The following CAPZA1 variants were observed in gnomAD, a reference collection of about 807,000 sequenced individuals.
The protein encoded by CAPZA1 is F-actin-capping protein subunit alpha-1.
CAPZA1 carries 10 observed loss-of-function variants against 40.8 expected under a neutral mutation model. The observed-to-expected ratio is 0.25, with a 90% CI of 0.15 to 0.42. The LOEUF (loss-of-function observed/expected upper bound fraction) is 0.42. CAPZA1 is among the 10% of genes least tolerant of loss of function. The pLI is 1.00. For synonymous variants in CAPZA1, 98 were observed against 115.0 expected (o/e 0.85, Z 0.95); for missense variants, 277 against 353.8 (o/e 0.78, Z 1.74).
At chr1:112,639,472 C>G (rs1671090107) in intron 1 of CAPZA1, among the ~76,000 whole-genome samples, 1 of 152,120 alleles carries the variant, frequency 6.6e-6, no homozygotes, top group Non-Finnish European at 1.5e-5. Flanking sequence ...TTACCTTTTT[C>G]TTTCATATAA....
chr1:112,631,756 C>A (rs1320695790), intron 1 of CAPZA1, among the ~76,000 whole-genome samples: 1 of 152,132 alleles, frequency 6.6e-6, no homozygotes, highest in Non-Finnish European at 1.5e-5. Context: ...TCTTGGGCAA[C>A]CTCCGGACCA....
intron 1 of CAPZA1, 108 bp from the exon 2 acceptor site, chr1:112,647,102 A>C (rs1113376): frequency 3.7e-6 from 2 of 537,204 alleles, no homozygotes. Flanking sequence ...GTTTAAACAG[A>C]ACATTTTTTT....
intron 7 of CAPZA1, among the ~76,000 whole-genome samples, chr1:112,664,673 T>C (rs1249043422): frequency 2.6e-5 from 4 of 152,132 alleles, no homozygotes; most frequent in African/African-American, 9.6e-5. Context: ...CAGTGGCTCA[T>C]GACTGTAATC....
At chr1:112,665,778 G>A (rs545881820) in intron 7 of CAPZA1, among the ~76,000 whole-genome samples, 1 of 152,158 alleles carries the variant, frequency 6.6e-6, no homozygotes, top group East Asian at 1.9e-4. Flanking sequence ...ACCTCCCAAA[G>A]GCCCCTCCTC....
chr1:112,659,261 A>T, intron 6 of CAPZA1, 160 bp downstream of exon 6: 1 of 599,960 alleles, frequency 1.7e-6, no homozygotes, highest in Non-Finnish European at 3.0e-6. Context: ...AAGGTTTTAT[A>T]ATTATATTTT....
Position 112,653,572 on chromosome 1 carries a change from TTTA to T in CAPZA1, c.156-25_156-23del, listed in dbSNP as rs753363984. On this transcript the variant is annotated intron_variant, in intron 3 of 9. Transcript: ENST00000263168. ...CTCTCTCCCTCTTTTTTTTTTTTTT[TTTA>T]AAAAACTTTTAAAAAAAAACAGTGC... 8.4e-4 allele frequency: 1,183 copies of T among 1,413,918 alleles called. 5 individuals are homozygous for T. Among genetic ancestry groups the T allele is most frequent in the East Asian group, 2.7e-3 (107 of 39,896 alleles). 87.6% of individuals were successfully genotyped at this position (1,413,918 alleles called of 1,614,324 possible).
rs1671444566 is a variant in CAPZA1 at position 112,653,666 on chromosome 1, T to C, written c.219+5T>C. The C allele has an allele frequency of 6.3e-7, 1 of 1,594,658 alleles. No homozygotes were observed. The highest frequency in any genetic ancestry group is 1.4e-5 in the African/African-American group (1 of 73,864). ...ATAGAAGGATATGAAGATCAGGTAA[T>C]AATTGCCTTTTAGACAGGCTATGCC... On this transcript the variant is annotated splice_donor_5th_base_variant and intron_variant, in intron 4 of 9. Coordinates refer to ENST00000263168, the MANE Select transcript of CAPZA1 (RefSeq NM_006135.3).
At position 112,670,628 on chromosome 1, in the gene CAPZA1, C is replaced by G. The variant is rs1671811940; in HGVS notation, c.*496C>G. ...GGAAGACACATTCATCCTTCTCCCTCTGACTGCTTTGATCATCATTTATTG... is the reference window on the plus strand; with the variant it reads ...GGAAGACACATTCATCCTTCTCCCTGTGACTGCTTTGATCATCATTTATTG... On this transcript the variant is annotated 3_prime_UTR_variant, in exon 10 of 10. Coordinates refer to ENST00000263168, the MANE Select transcript of CAPZA1 (RefSeq NM_006135.3). The G allele has an allele frequency of 6.5e-6, 1 of 152,802 alleles. No individual in the cohort carries two copies. The highest frequency in any genetic ancestry group is 2.4e-5 in the African/African-American group (1 of 41,452). The allele number at this position is 152,802 out of a possible 1,614,324, so 9.5% of individuals were successfully genotyped here.
At chr1:112,629,630 T>C (rs1670881958) in intron 1 of CAPZA1, among the ~76,000 whole-genome samples, 1 of 152,222 alleles carries the variant, frequency 6.6e-6, no homozygotes, top group Non-Finnish European at 1.5e-5. Flanking sequence ...CCAGTACTTC[T>C]GTATTACTGA....
At chr1:112,653,762 C>G (rs1671446373) in intron 4 of CAPZA1, 101 bp downstream of exon 4, 1 of 812,912 alleles carries the variant, frequency 1.2e-6, no homozygotes, top group Non-Finnish European at 2.0e-6. Flanking sequence ...ATAAATTTGT[C>G]TTAGTTTTTA....
chr1:112,633,860 A>G lies in CAPZA1; in HGVS notation c.40-13350A>G, dbSNP rs574872935. 3.9e-3 allele frequency among the ~76,000 whole-genome samples: 592 copies of G among 152,214 alleles called. 3 individuals carry two copies. Among genetic ancestry groups the G allele is most frequent in the Non-Finnish European group, 7.3e-3 (495 of 67,994 alleles). On this transcript the variant is annotated intron_variant, in intron 1 of 9. Transcript: ENST00000263168. Reference sequence around the variant, plus strand: ...TTAGAGATGTTGAGCATTTTTTCATATATCTCTTGCCCATTTGTATATCTT... The same window carrying G: ...TTAGAGATGTTGAGCATTTTTTCATGTATCTCTTGCCCATTTGTATATCTT...
chr1:112,633,633 TGGTA>T (rs955823747), intron 1 of CAPZA1, among the ~76,000 whole-genome samples: 1 of 152,216 alleles, frequency 6.6e-6, no homozygotes, highest in African/African-American at 2.4e-5. Flanking sequence ...CCGAATCATA[TGGTA>T]ATTTTAGTAT....
chr1:112,634,702 T>C (rs1670982699), intron 1 of CAPZA1: 1 of 152,200 alleles, frequency 6.6e-6, no homozygotes, highest in East Asian at 1.9e-4. Flanking sequence ...CAACAATTTT[T>C]TTAAATTTAA....
At chr1:112,649,295 A>C (rs1012478250) in intron 2 of CAPZA1, 123 bp from the exon 3 acceptor site, 2 of 668,754 alleles carry the variant, frequency 3.0e-6, no homozygotes, top group African/African-American at 3.6e-5. Context: ...TAGAATTTCT[A>C]CTCATATAGT....
In CAPZA1 at chr1:112,645,151, G is replaced by A. The variant is rs543528128; in HGVS notation, c.40-2059G>A. The stretch of plus-strand genomic sequence containing the variant: ...TGCTCACATACCCTGATGAGCAGAA[G>A]CAAATCTACTCTTTCCCTCCCCTGT... On this transcript the variant is annotated intron_variant, in intron 1 of 9. Coordinates refer to ENST00000263168, the MANE Select transcript of CAPZA1 (RefSeq NM_006135.3). Among the ~76,000 whole-genome samples the A allele has an allele frequency of 1.0e-3, 155 of 152,260 alleles. 2 individuals carry two copies. Among genetic ancestry groups the A allele is most frequent in the Non-Finnish European group, 1.7e-3 (117 of 68,018 alleles).
Position 112,653,594 on chromosome 1 carries a change from A to G in CAPZA1, c.156-4A>G. 6.4e-7 allele frequency: 1 copy of G among 1,553,454 alleles called. No homozygotes were observed. Among genetic ancestry groups the G allele is most frequent in the Non-Finnish European group, 8.7e-7 (1 of 1,151,124 alleles). ...TTTTTTAAAAAACTTTTAAAAAAAA[A>G]CAGTGCATTTGCCCAGTATAACATG... On this transcript the variant is annotated splice_region_variant and splice_polypyrimidine_tract_variant and intron_variant, in intron 3 of 9. Coordinates refer to ENST00000263168, the MANE Select transcript of CAPZA1 (RefSeq NM_006135.3).
intron 3 of CAPZA1, 137 bp downstream of exon 3, chr1:112,649,606 T>C: frequency 1.4e-6 from 1 of 699,496 alleles, no homozygotes; most frequent in South Asian, 1.8e-5. Context: ...TTCGTTGTTT[T>C]TTTTAATTGG....
chr1:112,640,797 AATG>A (rs1671141541), intron 1 of CAPZA1, among the ~76,000 whole-genome samples: 1 of 152,232 alleles, frequency 6.6e-6, no homozygotes, highest in Admixed American at 6.5e-5. Context: ...AAGGTGGGGA[AATG>A]ATTGAGAAAT....
chr1:112,652,308 C>A (rs1365813165), intron 3 of CAPZA1, among the ~76,000 whole-genome samples: 3 of 151,522 alleles, frequency 2.0e-5, no homozygotes. Context: ...ATAGAGAAAC[C>A]CAGTCTCTAC....
Sources: allele counts gnomAD v4.1 joint callset (sites outside exome capture counted in the v4.1 genomes callset), GRCh38; gene constraint gnomAD v4.1.1; transcripts MANE v1.5; gene names NCBI Gene and HGNC (gene_info 2026-07-23, HGNC 2026-07-21).